Variants in NFIX observed in about 807,000 individuals in gnomAD.
The protein encoded by NFIX is nuclear factor I X.
A neutral mutation model predicts 53.3 loss-of-function variants in NFIX; 2 were observed. The ratio of observed to expected loss-of-function variants is 0.04; its 90% CI spans 0.02 to 0.12. The LOEUF is 0.12. Among genes scored for constraint, NFIX ranks in the 10% least tolerant of loss-of-function variants. NFIX has a pLI of 1.00. For missense variants in NFIX, 310 were observed against 674.5 expected, an observed-to-expected ratio of 0.46 and a Z score of 5.99; for synonymous variants, 244 against 289.0, an observed-to-expected ratio of 0.84 and a Z score of 1.58.
chr19:13,063,604 C>T (rs1183706109), intron 2 of NFIX, among the ~76,000 whole-genome samples: 2 of 152,098 alleles, frequency 1.3e-5, no homozygotes, highest in Non-Finnish European at 2.9e-5. Flanking sequence ...CCCCAGTCTT[C>T]TTTCTTTGCT....
chr19:13,039,232 A>C (rs1413907919), intron 2 of NFIX, among the ~76,000 whole-genome samples: 120 of 143,058 alleles, frequency 8.4e-4, no homozygotes, highest in African/African-American at 3.2e-3. Context: ...CCCCCCCCAC[A>C]CACACACATA....
At chr19:13,042,062 TA>T (rs1174423486) in intron 2 of NFIX, among the ~76,000 whole-genome samples, 10 of 17,546 alleles carry the variant, frequency 5.7e-4, no homozygotes, top group African/African-American at 7.5e-4. Flanking sequence ...CACACCTGGC[TA>T]ATTTTTTTTT....
chr19:13,019,903 C>T (rs998462869), intron 1 of NFIX, among the ~76,000 whole-genome samples: 3 of 151,746 alleles, frequency 2.0e-5, no homozygotes, highest in African/African-American at 7.3e-5. Flanking sequence ...ACCTTTCCCC[C>T]ACAATGTTTC....
In NFIX at chr19:13,012,007, G is replaced by A. The variant is rs569781551; in HGVS notation, c.28-13014G>A. On this transcript the variant is annotated intron_variant, in intron 1 of 10. Coordinates refer to ENST00000592199, the MANE Select transcript of NFIX (RefSeq NM_001365902.3). The surrounding 1 kb of genome is among the most constrained non-coding windows in gnomAD (Gnocchi z 5.0). ...GCTGACGGTCACTGTCACTTGCATC[G>A]CACACTGAGGGGTGGGAGAGGACAG... Among the ~76,000 whole-genome samples the A allele has an allele frequency of 1.3e-5, 2 of 152,300 alleles. No homozygotes were observed. Among genetic ancestry groups the A allele is most frequent in the East Asian group, 3.9e-4 (2 of 5,176 alleles).
chr19:13,046,334 G>A (rs2014978621), intron 2 of NFIX, among the ~76,000 whole-genome samples: 1 of 152,106 alleles, frequency 6.6e-6, no homozygotes, highest in South Asian at 2.1e-4. Flanking sequence ...TGTGGGCAGG[G>A]TGGCTTCTGA....
chr19:13,006,025 G>C lies in NFIX; in HGVS notation c.27+10161G>C, dbSNP rs967830198. Among the ~76,000 whole-genome samples, 3 of 152,212 alleles carry C rather than the reference G, an allele frequency of 2.0e-5. No homozygotes were observed. Among genetic ancestry groups the C allele is most frequent in the Non-Finnish European group, 4.4e-5 (3 of 68,038 alleles). The stretch of plus-strand genomic sequence containing the variant: ...TTACCAAGCACCTCCTGGGTGCCAG[G>C]CTCTGTTTTAGGCCCCGGGGGCTCG... On this transcript the variant is annotated intron_variant, in intron 1 of 10. Transcript: ENST00000592199. This position sits in a 1 kb window ranked among gnomAD's most constrained non-coding sequence, Gnocchi z 5.6.
At position 13,025,787 on chromosome 19, in the gene NFIX, T is replaced by C. The variant is rs932852292; in HGVS notation, c.559+235T>C. Among the ~76,000 whole-genome samples the C allele has an allele frequency of 6.6e-5, 10 of 152,228 alleles. No individual in the cohort carries two copies. The highest frequency in any genetic ancestry group is 2.4e-4 in the African/African-American group (10 of 41,466). ...CCCCCTGGCCATGGTATCGACTTTG[T>C]GCATCTCCATCTTTGGAGGACTTAT... On this transcript the variant is annotated intron_variant, in intron 2 of 10. Coordinates refer to ENST00000592199, the MANE Select transcript of NFIX (RefSeq NM_001365902.3). The surrounding 1 kb of genome is among the most constrained non-coding windows in gnomAD (Gnocchi z 7.5).
rs897959567 is a variant in NFIX at position 13,002,176 on chromosome 19, G to A, written c.27+6312G>A. On this transcript the variant is annotated intron_variant, in intron 1 of 10. Coordinates refer to ENST00000592199, the MANE Select transcript of NFIX (RefSeq NM_001365902.3). The surrounding 1 kb of genome is among the most constrained non-coding windows in gnomAD (Gnocchi z 6.1). ...CTGAGGGCGCGGATTTGGAAACTGA[G>A]GTCCCCCCTTCTTTCCCCCTTTCTC... is the stretch of plus-strand genomic sequence containing the variant. Among the ~76,000 whole-genome samples, 1 of 151,774 alleles carries A rather than the reference G, an allele frequency of 6.6e-6. No individual in the cohort carries two copies. The highest frequency in any genetic ancestry group is 1.9e-4 in the East Asian group (1 of 5,172).
chr19:12,998,696 C>T lies in NFIX; in HGVS notation c.27+2832C>T, dbSNP rs2011559125. On this transcript the variant is annotated intron_variant, in intron 1 of 10. Coordinates refer to ENST00000592199, the MANE Select transcript of NFIX (RefSeq NM_001365902.3). This position sits in a 1 kb window ranked among gnomAD's most constrained non-coding sequence, Gnocchi z 4.4. ...ACCGCCAAGATGGGGATGTAAGTGT[C>T]CTGTTCACACCGATGTCCAGACCCA... Among the ~76,000 whole-genome samples, 1 of 151,844 alleles carries T rather than the reference C, an allele frequency of 6.6e-6. No homozygotes were observed. The highest frequency in any genetic ancestry group is 1.5e-5 in the Non-Finnish European group (1 of 68,022).
chr19:13,000,869 G>A (rs906758428), intron 1 of NFIX, among the ~76,000 whole-genome samples: 3 of 152,178 alleles, frequency 2.0e-5, no homozygotes, highest in South Asian at 2.1e-4. Context: ...GTGTTTGGCC[G>A]TGGCGCCGTG....
rs2018103775 is a variant in NFIX, at chr19:13,090,992, T to TTCTCACCA, written c.1494+603_1494+610dup. Reference sequence around the variant, plus strand: ...TATCCCCTGCTGACACCACCCTTAGTTCTCACCAGGAGACAGATCCCCGTC... The same window carrying TTCTCACCA: ...TATCCCCTGCTGACACCACCCTTAGTTCTCACCATCTCACCAGGAGACAGATCCCCGTC... On this transcript the variant is annotated intron_variant, in intron 10 of 10. Coordinates refer to ENST00000592199, the MANE Select transcript of NFIX (RefSeq NM_001365902.3). The surrounding 1 kb of genome is among the most constrained non-coding windows in gnomAD (Gnocchi z 6.6). Among the ~76,000 whole-genome samples, 1 of 152,098 alleles carries TTCTCACCA rather than the reference T, an allele frequency of 6.6e-6. No individual in the cohort carries two copies. The highest frequency in any genetic ancestry group is 1.5e-5 in the Non-Finnish European group (1 of 67,994).
intron 8 of NFIX, among the ~76,000 whole-genome samples, chr19:13,082,960 T>C (rs1905867815): frequency 6.6e-6 from 1 of 152,230 alleles, no homozygotes; most frequent in African/African-American, 2.4e-5. Flanking sequence ...GCTGGTGTAT[T>C]GATTTGCGGC....
At position 13,060,247 on chromosome 19, in the gene NFIX, C is replaced by T. The variant is rs1481422965; in HGVS notation, c.560-12800C>T. Among the ~76,000 whole-genome samples the T allele has an allele frequency of 3.9e-5, 6 of 152,220 alleles. No individual in the cohort carries two copies. Among genetic ancestry groups the T allele is most frequent in the African/African-American group, 1.4e-4 (6 of 41,460 alleles). On this transcript the variant is annotated intron_variant, in intron 2 of 10. Coordinates refer to ENST00000592199, the MANE Select transcript of NFIX (RefSeq NM_001365902.3). This position sits in a 1 kb window ranked among gnomAD's most constrained non-coding sequence, Gnocchi z 4.3. ...GAACAGAGTGGATGAACTCAGTCCCCACCTCTCAGAGGGACCTAGTACAGA... is the reference window on the plus strand; with the variant it reads ...GAACAGAGTGGATGAACTCAGTCCCTACCTCTCAGAGGGACCTAGTACAGA...
intron 1 of NFIX, among the ~76,000 whole-genome samples, chr19:13,007,212 CCCG>C (rs1267822962): frequency 6.6e-6 from 1 of 152,076 alleles, no homozygotes; most frequent in Non-Finnish European, 1.5e-5. Context: ...CACTTCCAAA[CCCG>C]CCGCCATCGT....
rs1434202472 is a variant in NFIX, at chr19:13,094,553, G to A, written c.1495-82G>A. 7.0e-7 allele frequency: 1 copy of A among 1,433,720 alleles called. No individual in the cohort carries two copies. Among genetic ancestry groups the A allele is most frequent in the East Asian group, 2.5e-5 (1 of 40,260 alleles). The allele number at this position is 1,433,720 out of a possible 1,614,324, so 88.8% of individuals were successfully genotyped here. On this transcript the variant is annotated intron_variant, in intron 10 of 10. Transcript: ENST00000592199. This position sits in a 1 kb window ranked among gnomAD's most constrained non-coding sequence, Gnocchi z 4.3. ...TCTTTGGGAGCTGGACCCTTGAGGG[G>A]CCAGGTCACTGGGCCAGGTAGGAGT...
At chr19:13,055,685 A>G (rs1361081161) in intron 2 of NFIX, among the ~76,000 whole-genome samples, 1 of 152,028 alleles carries the variant, frequency 6.6e-6, no homozygotes, top group Non-Finnish European at 1.5e-5. Flanking sequence ...CTAGCTGAGG[A>G]AGAAGGGGGC....
chr19:13,050,133 A>T (rs1286247122), intron 2 of NFIX, among the ~76,000 whole-genome samples: 1 of 152,136 alleles, frequency 6.6e-6, no homozygotes, highest in Non-Finnish European at 1.5e-5. Flanking sequence ...TCTGCCCAGC[A>T]GTGCTGTCCC....
At position 13,009,011 on chromosome 19, in the gene NFIX, TC is replaced by T. The variant is rs1464628167; in HGVS notation, c.27+13150del. 6.6e-6 allele frequency among the ~76,000 whole-genome samples: 1 copy of T among 152,162 alleles called. No homozygotes were observed. The highest frequency in any genetic ancestry group is 1.5e-5 in the Non-Finnish European group (1 of 68,024). On this transcript the variant is annotated intron_variant, in intron 1 of 10. Transcript: ENST00000592199. The surrounding 1 kb of genome is among the most constrained non-coding windows in gnomAD (Gnocchi z 4.7). The stretch of plus-strand genomic sequence containing the variant: ...AGGTAGATTTGCGGGGGTCTCCCAG[TC>T]CCAGTCCCACACACTGCCTCATCCC...
intron 6 of NFIX, 34 bp downstream of exon 6, chr19:13,075,705 G>A: frequency 6.2e-7 from 1 of 1,603,326 alleles, no homozygotes. Context: ...CCAGAGCAAG[G>A]GCAGCCCAGA....
Sources: gnomAD v4.1 joint callset for allele counts (sites outside exome capture counted in the v4.1 genomes callset) on GRCh38, gnomAD v4.1.1 for gene constraint, Gnocchi (gnomAD v3.1) non-coding constraint, MANE v1.5 for transcripts, NCBI Gene and HGNC (gene_info 2026-07-23, HGNC 2026-07-21) for gene names.